Variants in SPTB observed in about 807,000 individuals in gnomAD.
SPTB encodes spectrin beta, erythrocytic.
SPTB carries 45 observed loss-of-function variants against 256.2 expected under a neutral mutation model. That is an observed-to-expected ratio of 0.18 (90% CI 0.14 to 0.23). The LOEUF (loss-of-function observed/expected upper bound fraction) is 0.23. SPTB is among the 10% of genes least tolerant of loss of function. SPTB has a pLI of 1.00. For synonymous variants in SPTB, 1,231 were observed against 1,243.1 expected (o/e 0.99, Z 0.21); for missense variants, 2,715 against 3,040.4 (o/e 0.89, Z 2.52).
chr14:64,835,254 A>G (rs1463200545), intron 1 of SPTB, among the ~76,000 whole-genome samples: 1 of 152,058 alleles, frequency 6.6e-6, no homozygotes, highest in African/African-American at 2.4e-5. Flanking sequence ...TGTAGAGTCC[A>G]TTCTCTTTTT....
chr14:64,753,505 T>A (rs576022847), intron 33 of SPTB, 32 bp downstream of exon 33: 1 of 1,612,576 alleles, frequency 6.2e-7, no homozygotes, highest in African/African-American at 1.3e-5. Context: ...CTGCCCAACC[T>A]ACCCTCAGCC....
In SPTB at chr14:64,826,926, G is replaced by A. The variant is rs1191202325; in HGVS notation, c.-51-3781C>T. The stretch of plus-strand genomic sequence containing the variant: ...TGAAAACCTCATGGGATCACACAGA[G>A]GACTCAGCTCACAGAAGGAACATGT... On this transcript the variant is annotated intron_variant, in intron 1 of 35. Transcript: ENST00000644917. This position sits in a 1 kb window ranked among gnomAD's most constrained non-coding sequence, Gnocchi z 4.4. 6.6e-6 allele frequency among the ~76,000 whole-genome samples: 1 copy of A among 152,150 alleles called. No individual in the cohort carries two copies. Among genetic ancestry groups the A allele is most frequent in the African/African-American group, 2.4e-5 (1 of 41,422 alleles).
rs748734353 is a variant in SPTB at position 64,785,925 on chromosome 14, G to C, written c.3588C>G (p.Pro1196=). 2 of 1,614,046 alleles carry C rather than the reference G, an allele frequency of 1.2e-6. No homozygotes were observed. The highest frequency in any genetic ancestry group is 1.7e-6 in the Non-Finnish European group (2 of 1,180,016). The change falls in exon 17 of 36, where the codon CCC becomes CCG. Residue 1196 remains proline, a synonymous_variant. Coordinates refer to ENST00000644917, the MANE Select transcript of SPTB (RefSeq NM_001355436.2). This position sits in a 1 kb window ranked among gnomAD's most constrained non-coding sequence, Gnocchi z 4.4. Reference sequence around the variant, plus strand: ...CCTCTGCAGCTTCCAGGGAGTCTGGGGGCTCCAAGTGAGCCAGAGTGTATT... The same window carrying C: ...CCTCTGCAGCTTCCAGGGAGTCTGGCGGCTCCAAGTGAGCCAGAGTGTATT... ...NQEYTLAHLE[P]PDSLEAAEAG...
intron 1 of SPTB, among the ~76,000 whole-genome samples, chr14:64,839,891 CT>C (rs1388413023): frequency 1.3e-5 from 2 of 152,142 alleles, no homozygotes; most frequent in African/African-American, 4.8e-5. Flanking sequence ...AGAGAGAATA[CT>C]TTAAGCTACA....
In SPTB at chr14:64,825,800, G is replaced by A. The variant is rs865955033; in HGVS notation, c.-51-2655C>T. ...GAGCAGGCCGACCAGCAGGCCCAGC[G>A]TTCAAGACAAGATTGATGGCCCCGG... On this transcript the variant is annotated intron_variant, in intron 1 of 35. Coordinates refer to ENST00000644917, the MANE Select transcript of SPTB (RefSeq NM_001355436.2). The surrounding 1 kb of genome is among the most constrained non-coding windows in gnomAD (Gnocchi z 4.8). Among the ~76,000 whole-genome samples the A allele has an allele frequency of 1.1e-4, 16 of 152,338 alleles. No individual in the cohort carries two copies. Among genetic ancestry groups the A allele is most frequent in the Middle Eastern group, 3.4e-3 (1 of 294 alleles).
intron 1 of SPTB, among the ~76,000 whole-genome samples, chr14:64,878,904 T>C (rs747092364): frequency 9.9e-5 from 15 of 152,126 alleles, no homozygotes; most frequent in Admixed American, 4.6e-4. Flanking sequence ...TGGATATTAA[T>C]AGGCTGTAAC....
At chr14:64,782,647 G>A (rs1428754728) in intron 19 of SPTB, 94 bp from the exon 20 acceptor site, 2 of 1,560,504 alleles carry the variant, frequency 1.3e-6, no homozygotes, top group East Asian at 2.2e-5. Flanking sequence ...CCCAAGAGGA[G>A]GTCAGTAAGG....
At chr14:64,851,700 T>A (rs966578069) in intron 1 of SPTB, among the ~76,000 whole-genome samples, 10 of 152,146 alleles carry the variant, frequency 6.6e-5, no homozygotes, top group African/African-American at 2.4e-4. Flanking sequence ...AGGAATGAGA[T>A]CATGTCCTTT....
intron 15 of SPTB, among the ~76,000 whole-genome samples, chr14:64,789,439 T>C (rs7157420): frequency 0.18 from 27,871 of 152,030 alleles, 2,747 homozygotes; most frequent in African/African-American, 0.26. Context: ...AAGTCTATAA[T>C]CCATCAAGTG....
chr14:64,749,321 G>T lies in SPTB; in HGVS notation c.6972C>A (p.Phe2324Leu). 6.2e-7 allele frequency: 1 copy of T among 1,605,960 alleles called. No individual in the cohort carries two copies. Among genetic ancestry groups the T allele is most frequent in the South Asian group, 1.1e-5 (1 of 90,238 alleles). Residue 2324 changes from phenylalanine (F) to leucine (L), a missense_variant, in exon 36 of 36, where the codon TTC (phenylalanine) becomes TTA (leucine). Transcript: ENST00000644917. The surrounding 1 kb of genome is among the most constrained non-coding windows in gnomAD (Gnocchi z 4.7). ...GCCCCACCTGCTACTTCTTTTTGGG[G>T]AAGAAGCTGAATCTCTTCTCCTTGT... ...KKDKEKRFSF[F>L]PKKK
rs1197880527 is a variant in SPTB, at chr14:64,749,757, G to T, written c.6777-61C>A. ...CTCTGGAGGGGGCGCTGGGCAGAGG[G>T]CTGGCTCTGATCCCACAATACCCTG... is the stretch of plus-strand genomic sequence containing the variant. On this transcript the variant is annotated intron_variant, in intron 34 of 35. Coordinates refer to ENST00000644917, the MANE Select transcript of SPTB (RefSeq NM_001355436.2). The surrounding 1 kb of genome is among the most constrained non-coding windows in gnomAD (Gnocchi z 4.7). The T allele has an allele frequency of 6.3e-7, 1 of 1,587,904 alleles. No homozygotes were observed. The highest frequency in any genetic ancestry group is 1.8e-5 in the Admixed American group (1 of 56,952).
At chr14:64,810,202 C>T (rs1467426407) in intron 2 of SPTB, among the ~76,000 whole-genome samples, 2 of 152,144 alleles carry the variant, frequency 1.3e-5, no homozygotes, top group Admixed American at 1.3e-4. Flanking sequence ...CCAGTACATA[C>T]AGGCATTTAA....
chr14:64,749,252 G>A lies in SPTB; in HGVS notation c.*54C>T. 1 of 1,535,436 alleles carries A rather than the reference G, an allele frequency of 6.5e-7. No individual in the cohort carries two copies. Among genetic ancestry groups the A allele is most frequent in the Non-Finnish European group, 8.7e-7 (1 of 1,145,188 alleles). ...CGGCGGCGAGAGGAGGCCAAGGCCT[G>A]GGCTGCCCGGTCTCTGCGCGTCCCG... On this transcript the variant is annotated 3_prime_UTR_variant, in exon 36 of 36. Coordinates refer to ENST00000644917, the MANE Select transcript of SPTB (RefSeq NM_001355436.2). The surrounding 1 kb of genome is among the most constrained non-coding windows in gnomAD (Gnocchi z 4.7).
Position 64,777,648 on chromosome 14 carries a change from G to A in SPTB, c.4563+1509C>T, listed in dbSNP as rs2082383802. On this transcript the variant is annotated intron_variant, in intron 22 of 35. Transcript: ENST00000644917. This position sits in a 1 kb window ranked among gnomAD's most constrained non-coding sequence, Gnocchi z 4.5. Reference sequence around the variant, plus strand: ...GGCTCTACCCCCAGAGCTTGATGCAGTAGGGATCTGGGGGTGGCACCTGGT... The same window carrying A: ...GGCTCTACCCCCAGAGCTTGATGCAATAGGGATCTGGGGGTGGCACCTGGT... Among the ~76,000 whole-genome samples, 1 of 152,192 alleles carries A rather than the reference G, an allele frequency of 6.6e-6. No homozygotes were observed. The highest frequency in any genetic ancestry group is 1.5e-5 in the Non-Finnish European group (1 of 68,036).
intron 1 of SPTB, among the ~76,000 whole-genome samples, chr14:64,868,058 G>A (rs868098494): frequency 4.6e-5 from 7 of 152,220 alleles, no homozygotes; most frequent in Admixed American, 3.9e-4. Flanking sequence ...GTGGAGGCCC[G>A]TGCCTGCCCC....
At position 64,760,437 on chromosome 14, in the gene SPTB, A is replaced by G. The variant is rs1316451626; in HGVS notation, c.6345+6289T>C. Reference sequence around the variant, plus strand: ...GAAACACAACCTGGCTCCGGACCACAGGGTGTTTCAGAGGTTCTGAAGATG... The same window carrying G: ...GAAACACAACCTGGCTCCGGACCACGGGGTGTTTCAGAGGTTCTGAAGATG... On this transcript the variant is annotated intron_variant, in intron 32 of 35. Coordinates refer to ENST00000644917, the MANE Select transcript of SPTB (RefSeq NM_001355436.2). This position sits in a 1 kb window ranked among gnomAD's most constrained non-coding sequence, Gnocchi z 4.3. Among the ~76,000 whole-genome samples, 1 of 152,168 alleles carries G rather than the reference A, an allele frequency of 6.6e-6. No homozygotes were observed. Among genetic ancestry groups the G allele is most frequent in the Non-Finnish European group, 1.5e-5 (1 of 68,026 alleles).
rs936908541 is a variant in SPTB at position 64,797,908 on chromosome 14, A to G, written c.1065-62T>C. On this transcript the variant is annotated intron_variant, in intron 9 of 35. Coordinates refer to ENST00000644917, the MANE Select transcript of SPTB (RefSeq NM_001355436.2). The stretch of plus-strand genomic sequence containing the variant: ...GATCTCATGGCCAAATTTTTTTGCT[A>G]AAGTCAACACGGAACTGTGGCATCT... The G allele has an allele frequency of 4.5e-5, 55 of 1,210,238 alleles. No individual in the cohort carries two copies. The Middle Eastern group carries it at 5.7e-4, about 12-fold the overall frequency. The allele number at this position is 1,210,238 out of a possible 1,614,324, so 75.0% of individuals were successfully genotyped here.
At chr14:64,804,830 G>C in intron 3 of SPTB, 109 bp downstream of exon 3, 1 of 1,392,782 alleles carries the variant, frequency 7.2e-7, no homozygotes. Context: ...TCCCAAAGGA[G>C]CAGAGAGAAA....
intron 2 of SPTB, among the ~76,000 whole-genome samples, chr14:64,813,814 C>A (rs2083137361): frequency 6.6e-6 from 1 of 152,244 alleles, no homozygotes. Context: ...GCGTGAGCCA[C>A]CATGCCTGGC....
Sources: gnomAD v4.1 joint callset for allele counts (sites outside exome capture counted in the v4.1 genomes callset) on GRCh38, gnomAD v4.1.1 for gene constraint, Gnocchi (gnomAD v3.1) non-coding constraint, MANE v1.5 for transcripts, NCBI Gene and HGNC (gene_info 2026-07-23, HGNC 2026-07-21) for gene names.